The following ADAMTSL2 variants were observed in gnomAD, a reference collection of about 807,000 sequenced individuals.
ADAMTSL2 encodes the protein ADAMTS like 2, also known as ADAMTS-like protein 2.
Under a neutral mutation model 117.0 loss-of-function variants are expected in ADAMTSL2, and 55 were observed. The observed-to-expected ratio is 0.47, with a 90% CI of 0.38 to 0.59. ADAMTSL2 has a LOEUF of 0.59. ADAMTSL2 is among the 20% of genes least tolerant of loss of function. The pLI is 0.00. For missense variants in ADAMTSL2, 1,182 were observed against 1,354.5 expected, an observed-to-expected ratio of 0.87 and a Z score of 2.00; for synonymous variants, 572 against 566.4, an observed-to-expected ratio of 1.01 and a Z score of -0.14.
chr9:133,568,203 G>C (rs1171268679), intron 13 of ADAMTSL2, 70 bp from the exon 14 acceptor site: 12 of 1,474,534 alleles, frequency 8.1e-6, no homozygotes, highest in African/African-American at 1.4e-5. Flanking sequence ...GTTGTCTCTG[G>C]GGGTGTGGGT....
Position 133,557,264 on chromosome 9 carries a change from C to G in ADAMTSL2, c.1649+1334C>G, listed in dbSNP as rs897484460. On this transcript the variant is annotated intron_variant, in intron 11 of 18. Coordinates refer to ENST00000651351, the MANE Select transcript of ADAMTSL2 (RefSeq NM_014694.4). The surrounding 1 kb of genome is among the most constrained non-coding windows in gnomAD (Gnocchi z 5.2). Reference sequence around the variant, plus strand: ...CCTGCCGCTTTTCTCAAACTGTTTTCTGAGGCCACCGAGGTGCCTGGGGCT... The same window carrying G: ...CCTGCCGCTTTTCTCAAACTGTTTTGTGAGGCCACCGAGGTGCCTGGGGCT... Among the ~76,000 whole-genome samples the G allele has an allele frequency of 2.6e-5, 4 of 152,194 alleles. No individual in the cohort carries two copies. Among genetic ancestry groups the G allele is most frequent in the Non-Finnish European group, 5.9e-5 (4 of 68,040 alleles).
At chr9:133,550,036 G>A (rs1830446643) in intron 9 of ADAMTSL2, among the ~76,000 whole-genome samples, 1 of 152,246 alleles carries the variant, frequency 6.6e-6, no homozygotes, top group Admixed American at 6.5e-5. Flanking sequence ...AGCTGTGTCA[G>A]CAAGGGACCC....
Position 133,538,408 on chromosome 9 carries a change from A to C in ADAMTSL2, c.293A>C (p.Gln98Pro). 6.2e-7 allele frequency: 1 copy of C among 1,613,244 alleles called. No homozygotes were observed. Among genetic ancestry groups the C allele is most frequent in the Non-Finnish European group, 8.5e-7 (1 of 1,180,016 alleles). The change falls in exon 4 of 19, where the codon CAG (glutamine) becomes CCG (proline). Residue 98 changes from glutamine (Q) to proline (P), a missense_variant. By Grantham distance (76) the Gln-to-Pro change is moderately conservative. Around this residue, in one of 3 missense-constraint regions of ADAMTSL2, gnomAD observed 372 missense variants for 463.4 expected, o/e 0.80. Transcript: ENST00000651351. ...RTCTGTSKRY[Q>P]LCRVQECPPD... Reference sequence around the variant, plus strand: ...TGCACGGGCACGTCCAAGCGGTACCAGCTCTGCAGAGTGCAGGTGAGGCCC... The same window carrying C: ...TGCACGGGCACGTCCAAGCGGTACCCGCTCTGCAGAGTGCAGGTGAGGCCC...
At chr9:133,541,694 G>T (rs1308618307) in intron 7 of ADAMTSL2, among the ~76,000 whole-genome samples, 1 of 152,156 alleles carries the variant, frequency 6.6e-6, no homozygotes, top group African/African-American at 2.4e-5. Context: ...AGTTTCAGAG[G>T]CTCCCTGTCG....
At chr9:133,562,477 G>A (rs1240931165) in intron 12 of ADAMTSL2, among the ~76,000 whole-genome samples, 6 of 146,586 alleles carry the variant, frequency 4.1e-5, no homozygotes, top group East Asian at 3.9e-4. Flanking sequence ...GCGGCGTGGC[G>A]GGCACCCGGC....
At position 133,536,737 on chromosome 9, in the gene ADAMTSL2, T is replaced by C; in HGVS notation, c.25T>C (p.Cys9Arg). The change falls in exon 2 of 19, where the codon TGC (cysteine) becomes CGC (arginine). Residue 9 changes from cysteine (C) to arginine (R), a missense_variant. This residue lies in a region of ADAMTSL2 where 372 missense variants were observed against 463.4 expected (regional missense o/e 0.80). Transcript: ENST00000651351. MDGRWQCS[C>R]WAWFLLVLAV... Reference sequence around the variant, plus strand: ...GATGGATGGCAGATGGCAATGTTCCTGCTGGGCCTGGTTCCTGCTGGTTCT... The same window carrying C: ...GATGGATGGCAGATGGCAATGTTCCCGCTGGGCCTGGTTCCTGCTGGTTCT... 6.2e-7 allele frequency: 1 copy of C among 1,614,250 alleles called. No individual in the cohort carries two copies. The highest frequency in any genetic ancestry group is 8.5e-7 in the Non-Finnish European group (1 of 1,180,038).
chr9:133,569,786 C>G (rs1831061825), intron 16 of ADAMTSL2, among the ~76,000 whole-genome samples: 1 of 152,364 alleles, frequency 6.6e-6, no homozygotes, highest in African/African-American at 2.4e-5. Context: ...CTCAATTTTG[C>G]ATGGCTCAGT....
rs1830661879 is a variant in ADAMTSL2 at position 133,558,679 on chromosome 9, G to A, written c.1650-2519G>A. ...CTGAGGAGTGACAGGTGGTCTGGTG[G>A]TGACTCCACAGCCGTCACCAGCCCC... On this transcript the variant is annotated intron_variant, in intron 11 of 18. Coordinates refer to ENST00000651351, the MANE Select transcript of ADAMTSL2 (RefSeq NM_014694.4). The surrounding 1 kb of genome is among the most constrained non-coding windows in gnomAD (Gnocchi z 4.3). 6.6e-6 allele frequency among the ~76,000 whole-genome samples: 1 copy of A among 152,222 alleles called. No homozygotes were observed. Among genetic ancestry groups the A allele is most frequent in the African/African-American group, 2.4e-5 (1 of 41,450 alleles).
rs968971462 is a variant in ADAMTSL2 at position 133,535,756 on chromosome 9, G to A, written c.-150-807G>A. ...GTTTCTGAAATCCCTTCTCTAACTC[G>A]CTGGCAAGTGACCCTCAGCACCTGA... On this transcript the variant is annotated intron_variant, in intron 1 of 18. Transcript: ENST00000651351. Among the ~76,000 whole-genome samples, 16 of 152,198 alleles carry A rather than the reference G, an allele frequency of 1.1e-4. No individual in the cohort carries two copies. The East Asian group carries it at 1.2e-3, about 11-fold the overall frequency.
rs1830620032 is a variant in ADAMTSL2, at chr9:133,557,126, T to C, written c.1649+1196T>C. 6.6e-6 allele frequency among the ~76,000 whole-genome samples: 1 copy of C among 151,990 alleles called. No individual in the cohort carries two copies. The highest frequency in any genetic ancestry group is 2.4e-5 in the African/African-American group (1 of 41,360). On this transcript the variant is annotated intron_variant, in intron 11 of 18. Transcript: ENST00000651351. The surrounding 1 kb of genome is among the most constrained non-coding windows in gnomAD (Gnocchi z 5.2). ...CTCAGGGACTGAATTTGATGGGAGA[T>C]TCAGGGTTCACTCTCGAGGTGATGT... is the stretch of plus-strand genomic sequence containing the variant.
chr9:133,549,648 G>A (rs377348505), intron 9 of ADAMTSL2, among the ~76,000 whole-genome samples: 17 of 39,692 alleles, frequency 4.3e-4, no homozygotes, highest in Middle Eastern at 0.014. Flanking sequence ...GCCTCTCATA[G>A]TGCTTGGATT....
upstream of ADAMTSL2, chr9:133,534,470 C>A (rs539194191): frequency 2.7e-6 from 1 of 365,060 alleles, no homozygotes. Context: ...CGACATGTGG[C>A]CCCCAGTTCT....
At chr9:133,563,093 ACT>A (rs1830785359) in intron 12 of ADAMTSL2, among the ~76,000 whole-genome samples, 1 of 152,260 alleles carries the variant, frequency 6.6e-6, no homozygotes, top group African/African-American at 2.4e-5. Flanking sequence ...CTTCCGAGCC[ACT>A]GTTTTCCACA....
intron 17 of ADAMTSL2, among the ~76,000 whole-genome samples, chr9:133,572,175 AC>A (rs1831122701): frequency 4.8e-5 from 1 of 20,700 alleles, no homozygotes; most frequent in Admixed American, 2.8e-4. Flanking sequence ...CTGCCCCGCC[AC>A]CCCCCACCCC....
chr9:133,549,817 T>G (rs1280878690), intron 9 of ADAMTSL2, among the ~76,000 whole-genome samples: 13 of 152,182 alleles, frequency 8.5e-5, no homozygotes, highest in Admixed American at 8.5e-4. Context: ...AAACTGTTGC[T>G]TCGTCTTTGG....
At chr9:133,564,924 A>G (rs1830928313) in intron 12 of ADAMTSL2, among the ~76,000 whole-genome samples, 1 of 152,080 alleles carries the variant, frequency 6.6e-6, no homozygotes, top group African/African-American at 2.4e-5. Flanking sequence ...GGGCAGTTCT[A>G]TCAGTGGGGC....
intron 11 of ADAMTSL2, among the ~76,000 whole-genome samples, chr9:133,556,829 G>A (rs1055497386): frequency 6.6e-6 from 1 of 152,178 alleles, no homozygotes; most frequent in Non-Finnish European, 1.5e-5. Flanking sequence ...CAGACCTGTC[G>A]TGTCCCTACT....
At chr9:133,547,514 C>T (rs1281471596) in intron 9 of ADAMTSL2, among the ~76,000 whole-genome samples, 1 of 152,276 alleles carries the variant, frequency 6.6e-6, no homozygotes, top group East Asian at 1.9e-4. Flanking sequence ...ACTCAACCAC[C>T]TATTCTCTCA....
chr9:133,556,568 G>C (rs1830609421), intron 11 of ADAMTSL2, among the ~76,000 whole-genome samples: 1 of 152,218 alleles, frequency 6.6e-6, no homozygotes, highest in African/African-American at 2.4e-5. Flanking sequence ...GAAGAACAAG[G>C]CTGGCATTGC....
Sources: gnomAD v4.1 joint callset for allele counts (sites outside exome capture counted in the v4.1 genomes callset) on GRCh38, gnomAD v4.1.1 for gene constraint, gnomAD v4.1.1 regional missense constraint, Gnocchi (gnomAD v3.1) non-coding constraint, MANE v1.5 for transcripts, NCBI Gene and HGNC (gene_info 2026-07-23, HGNC 2026-07-21) for gene names.